Variants in CA12 observed in about 807,000 individuals in gnomAD.
CA12 encodes carbonic anhydrase 12.
A neutral mutation model predicts 46.8 loss-of-function variants in CA12; 36 were observed. That is an observed-to-expected ratio of 0.77 (90% CI 0.59 to 1.02). The LOEUF is 1.02. Ranked by LOEUF, CA12 falls within the 50% of genes least tolerant of loss-of-function variation. The probability of loss-of-function intolerance (pLI) is 0.00; values close to 1 mark genes in which losing one functional copy is unlikely to be tolerated. For synonymous variants in CA12, 202 were observed against 187.0 expected, an observed-to-expected ratio of 1.08 and a Z score of -0.65; for missense variants, 436 against 451.4, an observed-to-expected ratio of 0.97 and a Z score of 0.31.
At chr15:63,346,837 A>T in intron 2 of CA12, 128 bp from the exon 3 acceptor site, 1 of 1,088,334 alleles carries the variant, frequency 9.2e-7, no homozygotes, top group Non-Finnish European at 1.4e-6. Flanking sequence ...GTAAATCTTC[A>T]AGGCTCAGAG....
At chr15:63,349,655 G>A (rs534988540) in intron 2 of CA12, among the ~76,000 whole-genome samples, 5 of 152,266 alleles carry the variant, frequency 3.3e-5, no homozygotes, top group African/African-American at 9.6e-5. Flanking sequence ...GAGATTTGCC[G>A]GAAGTTTGAC....
intron 1 of CA12, among the ~76,000 whole-genome samples, chr15:63,379,577 C>A (rs2039618797): frequency 6.6e-6 from 1 of 152,220 alleles, no homozygotes; most frequent in South Asian, 2.1e-4. Flanking sequence ...GGAAGGTTAT[C>A]TGTTCCATCT....
intron 4 of CA12, among the ~76,000 whole-genome samples, chr15:63,342,859 A>G (rs1256265684): frequency 6.6e-6 from 1 of 152,068 alleles, no homozygotes; most frequent in Admixed American, 6.6e-5. Flanking sequence ...CTTTTCATTC[A>G]TCCTTTTCCA....
At position 63,327,355 on chromosome 15, in the gene CA12, C is replaced by T. The variant is rs947824682; in HGVS notation, c.908-122G>A. The T allele has an allele frequency of 8.7e-6, 7 of 801,874 alleles. No individual in the cohort carries two copies. In the Admixed American group the frequency reaches 1.2e-4, roughly 14 times the overall value. The allele number at this position is 801,874 out of a possible 1,614,324, so 49.7% of individuals were successfully genotyped here. ...CATCCACAGAAAGGAATAATTTCCCCATCCCTGTTCTCAGATTCTGGTCTT... is the reference window on the plus strand; with the variant it reads ...CATCCACAGAAAGGAATAATTTCCCTATCCCTGTTCTCAGATTCTGGTCTT... On this transcript the variant is annotated intron_variant, in intron 9 of 10. Transcript: ENST00000178638. The surrounding 1 kb of genome is among the most constrained non-coding windows in gnomAD (Gnocchi z 4.5).
chr15:63,332,978 G>A (rs1027074699), intron 8 of CA12, among the ~76,000 whole-genome samples: 1 of 152,184 alleles, frequency 6.6e-6, no homozygotes, highest in African/African-American at 2.4e-5. Context: ...TTTGCTGTGT[G>A]GTAATAATTA....
Position 63,348,218 on chromosome 15 carries a change from A to G in CA12, c.107-1509T>C, listed in dbSNP as rs1181217412. 6.6e-6 allele frequency among the ~76,000 whole-genome samples: 1 copy of G among 152,200 alleles called. No homozygotes were observed. Among genetic ancestry groups the G allele is most frequent in the Non-Finnish European group, 1.5e-5 (1 of 68,032 alleles). On this transcript the variant is annotated intron_variant, in intron 2 of 10. Transcript: ENST00000178638. The surrounding 1 kb of genome is among the most constrained non-coding windows in gnomAD (Gnocchi z 4.6). ...AGCATGACGGAATTGCAGAATCTCCAGTCCAACCTTTCACTGGACACCAGT... is the reference window on the plus strand; with the variant it reads ...AGCATGACGGAATTGCAGAATCTCCGGTCCAACCTTTCACTGGACACCAGT...
At chr15:63,364,998 A>T (rs939332284) in intron 2 of CA12, among the ~76,000 whole-genome samples, 1 of 152,176 alleles carries the variant, frequency 6.6e-6, no homozygotes, top group Non-Finnish European at 1.5e-5. Context: ...GCTGGGGCTG[A>T]GTGCAGTGGC....
At chr15:63,365,850 A>G (rs989167856) in intron 2 of CA12, among the ~76,000 whole-genome samples, 2 of 152,146 alleles carry the variant, frequency 1.3e-5, no homozygotes, top group African/African-American at 4.8e-5. Flanking sequence ...TAGAAGGTCC[A>G]GCAGTGGGCC....
chr15:63,332,211 T>G (rs982064332), intron 8 of CA12, among the ~76,000 whole-genome samples: 1 of 152,240 alleles, frequency 6.6e-6, no homozygotes, highest in Admixed American at 6.5e-5. Context: ...TATCTTCAGA[T>G]GATGCTTTGC....
chr15:63,338,161 A>AC (rs1366941538), intron 8 of CA12, among the ~76,000 whole-genome samples: 1 of 152,112 alleles, frequency 6.6e-6, no homozygotes, highest in Non-Finnish European at 1.5e-5. Context: ...TGAAAGGGAG[A>AC]CCCGAGCCCT....
chr15:63,360,573 T>G (rs568652686), intron 2 of CA12, among the ~76,000 whole-genome samples: 1 of 152,250 alleles, frequency 6.6e-6, no homozygotes, highest in East Asian at 1.9e-4. Context: ...AGTCTCTAAT[T>G]GTGCCACGTG....
rs541037219 is a variant in CA12, at chr15:63,373,616, C to T, written c.106+2042G>A. Among the ~76,000 whole-genome samples, 4 of 152,260 alleles carry T rather than the reference C, an allele frequency of 2.6e-5. No homozygotes were observed. Among genetic ancestry groups the T allele is most frequent in the South Asian group, 2.1e-4 (1 of 4,818 alleles). On this transcript the variant is annotated intron_variant, in intron 2 of 10. Coordinates refer to ENST00000178638, the MANE Select transcript of CA12 (RefSeq NM_001218.5). This position sits in a 1 kb window ranked among gnomAD's most constrained non-coding sequence, Gnocchi z 4.9. ...GCAGCTAAGAATCACTTGGGGAGTG[C>T]GTTAAGAATACAGGTTTTTCAGGCT... is the stretch of plus-strand genomic sequence containing the variant.
At chr15:63,326,495 C>G (rs554708186) in intron 10 of CA12, 138 bp from the exon 11 acceptor site, 2 of 719,780 alleles carry the variant, frequency 2.8e-6, no homozygotes, top group African/African-American at 3.5e-5. Context: ...TTCTGTTGGT[C>G]TTGGGAGGGA....
In CA12 at chr15:63,340,734, T is replaced by C; in HGVS notation, c.575A>G (p.His192Arg). 1 of 1,614,024 alleles carries C rather than the reference T, an allele frequency of 6.2e-7. No homozygotes were observed. The highest frequency in any genetic ancestry group is 1.6e-4 in the Middle Eastern group (1 of 6,062). The change falls in exon 6 of 11, where the codon CAT becomes CGT. Residue 192 changes from histidine to arginine, a missense_variant. Transcript: ENST00000178638. The surrounding 1 kb of genome is among the most constrained non-coding windows in gnomAD (Gnocchi z 4.4). ...SYDKIFSHLQ[H>R]VKYKGQEAFV... ...GGACCCCTCACCTTTGTACTTTACA[T>C]GTTGAAGGTGACTGAAGATCTTGTC...
At chr15:63,332,824 G>C (rs1373492720) in intron 8 of CA12, among the ~76,000 whole-genome samples, 4 of 152,214 alleles carry the variant, frequency 2.6e-5, no homozygotes, top group Non-Finnish European at 5.9e-5. Flanking sequence ...CTGGAGATGG[G>C]TCAGGGACAT....
intron 2 of CA12, among the ~76,000 whole-genome samples, chr15:63,356,633 G>A (rs2039299669): frequency 6.6e-6 from 1 of 151,176 alleles, no homozygotes; most frequent in Non-Finnish European, 1.5e-5. Flanking sequence ...AGCGATTCTC[G>A]TGCCTCAGCC....
intron 2 of CA12, among the ~76,000 whole-genome samples, chr15:63,352,187 C>T (rs888806836): frequency 8.5e-5 from 13 of 152,218 alleles, no homozygotes; most frequent in African/African-American, 2.9e-4. Context: ...TCCCAAGTAG[C>T]TGGGATTACA....
chr15:63,360,254 C>T (rs954729768), intron 2 of CA12, among the ~76,000 whole-genome samples: 1 of 152,174 alleles, frequency 6.6e-6, no homozygotes, highest in African/African-American at 2.4e-5. Flanking sequence ...GCAAACTGCT[C>T]AGCATCATTG....
At position 63,337,007 on chromosome 15, in the gene CA12, G is replaced by A. The variant is rs139992918; in HGVS notation, c.874+1812C>T. ...CCTTGGATACTACATTCTCCACTTAGAAGAATGAGAAAAGACAGCGTTGTA... is the reference window on the plus strand; with the variant it reads ...CCTTGGATACTACATTCTCCACTTAAAAGAATGAGAAAAGACAGCGTTGTA... On this transcript the variant is annotated intron_variant, in intron 8 of 10. Coordinates refer to ENST00000178638, the MANE Select transcript of CA12 (RefSeq NM_001218.5). Among the ~76,000 whole-genome samples the A allele has an allele frequency of 8.0e-3, 1,220 of 152,284 alleles. 6 individuals are homozygous for A. Among genetic ancestry groups the A allele is most frequent in the Middle Eastern group, 0.017 (5 of 294 alleles).
Sources: gnomAD v4.1 joint callset for allele counts (sites outside exome capture counted in the v4.1 genomes callset) on GRCh38, gnomAD v4.1.1 for gene constraint, Gnocchi (gnomAD v3.1) non-coding constraint, MANE v1.5 for transcripts, NCBI Gene and HGNC (gene_info 2026-07-23, HGNC 2026-07-21) for gene names.